CTNNA2: variants seen among roughly 807,000 people sequenced by gnomAD.
CTNNA2 encodes the protein catenin alpha-2.
Under a neutral mutation model 101.0 loss-of-function variants are expected in CTNNA2, and 42 were observed. That is an observed-to-expected ratio of 0.42 (90% confidence interval 0.32 to 0.54). The LOEUF (loss-of-function observed/expected upper bound fraction) is 0.54. Among genes scored for constraint, CTNNA2 ranks in the 20% least tolerant of loss-of-function variants. CTNNA2 has a pLI of 0.14. For synonymous variants in CTNNA2, 450 were observed against 456.4 expected (o/e 0.99, Z 0.18); for missense variants, 871 against 1,223.1 (o/e 0.71, Z 4.29).
chr2:79,200,001 A>G (rs1171699218), intron 2 of CTNNA2, among the ~76,000 whole-genome samples: 1 of 151,702 alleles, frequency 6.6e-6, no homozygotes, highest in Admixed American at 6.6e-5. Flanking sequence ...TTTATGCAAG[A>G]ATAGTTCAAT....
At chr2:79,777,311 A>G (rs1409466178) in intron 3 of CTNNA2, among the ~76,000 whole-genome samples, 1 of 150,276 alleles carries the variant, frequency 6.7e-6, no homozygotes, top group Non-Finnish European at 1.5e-5. Flanking sequence ...CTCTTAGCCC[A>G]TACCAAACAC....
intron 7 of CTNNA2, among the ~76,000 whole-genome samples, chr2:79,919,266 A>T (rs946695463): frequency 1.3e-5 from 2 of 152,324 alleles, no homozygotes; most frequent in African/African-American, 2.4e-5. Context: ...TCCATGGCAG[A>T]CTTCTCTAAA....
chr2:80,409,317 A>G (rs1172180562), intron 8 of CTNNA2, among the ~76,000 whole-genome samples: 1 of 152,100 alleles, frequency 6.6e-6, no homozygotes, highest in Non-Finnish European at 1.5e-5. Flanking sequence ...AAAGTGCAAT[A>G]TGATGTGAAA....
chr2:79,589,273 G>A (rs1418722740), intron 1 of CTNNA2, among the ~76,000 whole-genome samples: 1 of 152,148 alleles, frequency 6.6e-6, no homozygotes, highest in Admixed American at 6.5e-5. Flanking sequence ...TTGGAGAGAT[G>A]ATTAGAAGGC....
chr2:80,123,080 G>A (rs1418120640), intron 7 of CTNNA2, among the ~76,000 whole-genome samples: 3 of 152,064 alleles, frequency 2.0e-5, no homozygotes, highest in African/African-American at 4.8e-5. Context: ...TCCAGTCTCC[G>A]GTCATCTTTC....
chr2:80,246,591 A>T (rs975779564), intron 7 of CTNNA2, among the ~76,000 whole-genome samples: 12 of 152,218 alleles, frequency 7.9e-5, no homozygotes, highest in Non-Finnish European at 1.8e-4. Flanking sequence ...AGCTCTTAGG[A>T]AGCCAAAACC....
intron 7 of CTNNA2, among the ~76,000 whole-genome samples, chr2:80,295,536 T>A (rs910091725): frequency 2.0e-5 from 3 of 152,224 alleles, no homozygotes; most frequent in African/African-American, 7.2e-5. Flanking sequence ...AGGGGAATTT[T>A]AATTTTCTGG....
At chr2:79,518,481 G>A (rs2103859075) in intron 1 of CTNNA2, among the ~76,000 whole-genome samples, 1 of 152,302 alleles carries the variant, frequency 6.6e-6, no homozygotes, top group Middle Eastern at 3.4e-3. Context: ...TTATGTATCT[G>A]CAGTAGGTCC....
chr2:79,450,079 C>G (rs897357503), intron 4 of CTNNA2, among the ~76,000 whole-genome samples: 8 of 151,824 alleles, frequency 5.3e-5, no homozygotes, highest in African/African-American at 1.9e-4. Flanking sequence ...GTGTGACACT[C>G]TATGGATTCC....
At chr2:79,528,982 T>C (rs1417019290) in intron 1 of CTNNA2, among the ~76,000 whole-genome samples, 1 of 152,116 alleles carries the variant, frequency 6.6e-6, no homozygotes, top group Non-Finnish European at 1.5e-5. Context: ...AAGTTATAGG[T>C]AGCAGTGATG....
At chr2:79,580,212 C>A (rs1476520122) in intron 1 of CTNNA2, among the ~76,000 whole-genome samples, 1 of 151,626 alleles carries the variant, frequency 6.6e-6, no homozygotes, top group Non-Finnish European at 1.5e-5. Context: ...CTGGGTGGGC[C>A]CAATCTAATC....
chr2:80,514,693 A>G (rs1195748818), intron 9 of CTNNA2, among the ~76,000 whole-genome samples: 4 of 152,010 alleles, frequency 2.6e-5, no homozygotes, highest in African/African-American at 7.2e-5. Context: ...AAGTTAAGCC[A>G]TCTCTCCTCC....
At chr2:80,350,068 G>T (rs763363476) in intron 7 of CTNNA2, among the ~76,000 whole-genome samples, 1 of 152,156 alleles carries the variant, frequency 6.6e-6, no homozygotes, top group Non-Finnish European at 1.5e-5. Context: ...CTTCAATTCT[G>T]TAGAAGCATC....
chr2:79,215,608 A>G (rs1674244718), intron 2 of CTNNA2, among the ~76,000 whole-genome samples: 1 of 152,222 alleles, frequency 6.6e-6, no homozygotes, highest in South Asian at 2.1e-4. Context: ...AAAGTGTCTC[A>G]GGGTTGCTGT....
At chr2:79,539,739 G>T (rs1673294465) in intron 1 of CTNNA2, among the ~76,000 whole-genome samples, 1 of 152,074 alleles carries the variant, frequency 6.6e-6, no homozygotes, top group Non-Finnish European at 1.5e-5. Context: ...GACTCTTGTG[G>T]ACCAGAACTA....
intron 9 of CTNNA2, among the ~76,000 whole-genome samples, chr2:80,453,338 G>A (rs1455620890): frequency 1.3e-5 from 2 of 151,506 alleles, no homozygotes; most frequent in Non-Finnish European, 1.5e-5. Context: ...AACCCTGGAA[G>A]AACACAATGG....
At chr2:80,202,730 T>TA (rs78658764) in intron 7 of CTNNA2, among the ~76,000 whole-genome samples, 58 of 144,750 alleles carry the variant, frequency 4.0e-4, no homozygotes, top group South Asian at 6.6e-4. Context: ...CCAAGAGATT[T>TA]AAAAAAAAAA....
At chr2:79,766,721 T>A (rs570983616) in intron 3 of CTNNA2, among the ~76,000 whole-genome samples, 9 of 152,170 alleles carry the variant, frequency 5.9e-5, no homozygotes, top group African/African-American at 1.9e-4. Context: ...TGATTTTCAT[T>A]CTTTTTTCTT....
intron 7 of CTNNA2, among the ~76,000 whole-genome samples, chr2:80,181,575 G>C (rs947747779): frequency 6.6e-6 from 1 of 152,166 alleles, no homozygotes; most frequent in Non-Finnish European, 1.5e-5. Flanking sequence ...CTCTACAGGA[G>C]ATAAGACTCA....
Sources: allele counts gnomAD v4.1 joint callset (sites outside exome capture counted in the v4.1 genomes callset), GRCh38; gene constraint gnomAD v4.1.1; transcripts MANE v1.5; gene names NCBI Gene and HGNC (gene_info 2026-07-23, HGNC 2026-07-21).